Variants in TLK1 observed in about 807,000 individuals in gnomAD.
TLK1 encodes the protein serine/threonine-protein kinase tousled-like 1.
In TLK1, 24 loss-of-function variants were observed where a neutral mutation model predicts 105.3. That is an observed-to-expected ratio of 0.23 (90% confidence interval 0.17 to 0.32). The LOEUF is 0.32. TLK1 is among the 10% of genes least tolerant of loss of function. The pLI, the probability that TLK1 is intolerant of heterozygous loss-of-function variation, is 1.00. For missense variants in TLK1, 558 were observed against 910.5 expected (o/e 0.61, Z 4.98); for synonymous variants, 321 against 310.4 (o/e 1.03, Z -0.36).
At chr2:171,144,301 C>T (rs978602220) in intron 1 of TLK1, among the ~76,000 whole-genome samples, 3 of 152,014 alleles carry the variant, frequency 2.0e-5, no homozygotes, top group Admixed American at 2.0e-4. Flanking sequence ...AAACAGAAAA[C>T]AAACACTATA....
chr2:170,997,861 A>C, intron 18 of TLK1, 38 bp from the exon 19 acceptor site: 1 of 1,228,416 alleles, frequency 8.1e-7, no homozygotes, highest in Non-Finnish European at 1.2e-6. Context: ...GTTACTACTG[A>C]CAATCTGTAA....
chr2:171,148,225 T>C (rs1023071373), intron 1 of TLK1, among the ~76,000 whole-genome samples: 3 of 152,102 alleles, frequency 2.0e-5, no homozygotes, highest in African/African-American at 4.8e-5. Flanking sequence ...ATTGCAAATT[T>C]TGAAAGGGGC....
At chr2:171,078,931 T>A (rs1316789007) in intron 3 of TLK1, among the ~76,000 whole-genome samples, 1 of 152,224 alleles carries the variant, frequency 6.6e-6, no homozygotes, top group Admixed American at 6.5e-5. Flanking sequence ...TTCCCCTGTT[T>A]CAATGGCTCT....
At chr2:171,121,980 C>A (rs1690671947) in intron 1 of TLK1, among the ~76,000 whole-genome samples, 1 of 152,210 alleles carries the variant, frequency 6.6e-6, no homozygotes, top group Non-Finnish European at 1.5e-5. Context: ...CGCAGTCTCA[C>A]TCTGTCACCA....
chr2:171,049,407 T>C (rs897527966), intron 10 of TLK1, among the ~76,000 whole-genome samples: 1 of 152,144 alleles, frequency 6.6e-6, no homozygotes, highest in Non-Finnish European at 1.5e-5. Flanking sequence ...CCCTTAGGAA[T>C]AGAGAGCAGG....
At chr2:171,172,718 C>A (rs1223227886) in intron 1 of TLK1, among the ~76,000 whole-genome samples, 1 of 152,128 alleles carries the variant, frequency 6.6e-6, no homozygotes, top group Non-Finnish European at 1.5e-5. Context: ...GCCTACTTCC[C>A]CTTCGCCTTC....
intron 11 of TLK1, among the ~76,000 whole-genome samples, chr2:171,036,353 G>A (rs2105406016): frequency 6.6e-6 from 1 of 152,272 alleles, no homozygotes; most frequent in South Asian, 2.1e-4. Flanking sequence ...GGCTGAGGCA[G>A]GAGAATCACT....
chr2:171,216,181 C>A (rs1189472129), intron 1 of TLK1, among the ~76,000 whole-genome samples: 1 of 152,026 alleles, frequency 6.6e-6, no homozygotes, highest in Non-Finnish European at 1.5e-5. Context: ...ACTATGCTGC[C>A]TTAAAAAAAC....
At chr2:171,000,984 A>G (rs1257924611) in intron 18 of TLK1, among the ~76,000 whole-genome samples, 1 of 152,160 alleles carries the variant, frequency 6.6e-6, no homozygotes, top group Non-Finnish European at 1.5e-5. Context: ...GAATTTCTCC[A>G]AGATCCATAT....
intron 1 of TLK1, among the ~76,000 whole-genome samples, chr2:171,130,230 CCTCT>C (rs1691045152): frequency 1.3e-5 from 2 of 152,102 alleles, no homozygotes; most frequent in South Asian, 2.1e-4. Flanking sequence ...GGTGAAACCC[CCTCT>C]CTACTAGAAA....
intron 3 of TLK1, among the ~76,000 whole-genome samples, chr2:171,074,295 G>A (rs1303605930): frequency 1.3e-5 from 2 of 152,158 alleles, no homozygotes; most frequent in Non-Finnish European, 2.9e-5. Context: ...ATTGTATACA[G>A]CAACATTGTT....
chr2:171,032,115 A>G (rs1315224209), intron 11 of TLK1, among the ~76,000 whole-genome samples: 5 of 152,156 alleles, frequency 3.3e-5, no homozygotes, highest in African/African-American at 7.2e-5. Context: ...AAAGGCAACA[A>G]CAACCCAGGC....
chr2:171,122,620 C>T (rs576354665), intron 1 of TLK1, among the ~76,000 whole-genome samples: 1 of 151,828 alleles, frequency 6.6e-6, no homozygotes, highest in Non-Finnish European at 1.5e-5. Flanking sequence ...CATATAGATA[C>T]TTACATAACA....
In TLK1 at chr2:171,006,301, A is replaced by T. The variant is rs1418248050; in HGVS notation, c.1769-19T>A. 1 of 1,567,078 alleles carries T rather than the reference A, an allele frequency of 6.4e-7. No individual in the cohort carries two copies. On this transcript the variant is annotated intron_variant, in intron 17 of 20. Transcript: ENST00000431350. ...ATGTTTCCTAAGAATAAAATATAAGATTCTTTTAATGATACATACATGAAA... is the reference window on the plus strand; with the variant it reads ...ATGTTTCCTAAGAATAAAATATAAGTTTCTTTTAATGATACATACATGAAA...
intron 1 of TLK1, among the ~76,000 whole-genome samples, chr2:171,220,962 G>T (rs1012537681): frequency 6.6e-6 from 1 of 152,166 alleles, no homozygotes; most frequent in African/African-American, 2.4e-5. Flanking sequence ...AAGGTGGGAG[G>T]ATCGCTTGAG....
At chr2:171,040,979 C>T (rs937892325) in intron 11 of TLK1, among the ~76,000 whole-genome samples, 3 of 152,180 alleles carry the variant, frequency 2.0e-5, no homozygotes, top group Non-Finnish European at 4.4e-5. Context: ...CTTAACTTTG[C>T]AGTCACCCTC....
upstream of TLK1, among the ~76,000 whole-genome samples, chr2:171,162,221 CAAAAT>C (rs746056346): frequency 8.5e-5 from 13 of 152,172 alleles, no homozygotes; most frequent in African/African-American, 3.1e-4. Flanking sequence ...GTATAATTGA[CAAAAT>C]AAACTGCACA....
At chr2:171,205,858 G>A (rs1693497069) in intron 1 of TLK1, among the ~76,000 whole-genome samples, 2 of 152,188 alleles carry the variant, frequency 1.3e-5, no homozygotes, top group African/African-American at 4.8e-5. Context: ...GGATTGAAAT[G>A]AAATATTATA....
chr2:171,205,204 C>T (rs1693481465), intron 1 of TLK1, among the ~76,000 whole-genome samples: 1 of 152,028 alleles, frequency 6.6e-6, no homozygotes, highest in Admixed American at 6.6e-5. Context: ...CAGAGTAAGA[C>T]CCTGTCTCTA....
Sources: gnomAD v4.1 joint callset for allele counts (sites outside exome capture counted in the v4.1 genomes callset) on GRCh38, gnomAD v4.1.1 for gene constraint, MANE v1.5 for transcripts, NCBI Gene and HGNC (gene_info 2026-07-23, HGNC 2026-07-21) for gene names.